Variants in PAQR8 observed in about 807,000 individuals in gnomAD.
PAQR8 encodes the protein progestin and adipoQ receptor family member 8.
In PAQR8, 17 loss-of-function variants were observed where a neutral mutation model predicts 25.2. That is an observed-to-expected ratio of 0.67 (90% CI 0.46 to 1.01). The LOEUF (loss-of-function observed/expected upper bound fraction) is 1.01, where lower values mean the gene tolerates loss of function less well. PAQR8 is among the 50% of genes least tolerant of loss of function. PAQR8 has a pLI of 0.00. For missense variants in PAQR8, 392 were observed against 448.4 expected, an observed-to-expected ratio of 0.87 and a Z score of 1.14; for synonymous variants, 204 against 190.6, an observed-to-expected ratio of 1.07 and a Z score of -0.58.
chr6:52,389,256 C>T (rs1763668484), intron 1 of PAQR8, among the ~76,000 whole-genome samples: 1 of 152,236 alleles, frequency 6.6e-6, no homozygotes, highest in Non-Finnish European at 1.5e-5. Context: ...TTAGATCTCA[C>T]TGGTTTTTAC....
chr6:52,363,531 C>T (rs942631735), intron 1 of PAQR8, among the ~76,000 whole-genome samples: 1 of 152,162 alleles, frequency 6.6e-6, no homozygotes, highest in African/African-American at 2.4e-5. Flanking sequence ...TTCCAGTACT[C>T]TGAGAAGCTG....
chr6:52,383,671 A>C lies in PAQR8; in HGVS notation c.-52-19491A>C, dbSNP rs1006696078. Among the ~76,000 whole-genome samples, 25 of 151,786 alleles carry C rather than the reference A, an allele frequency of 1.6e-4. 1 individual carries two copies. Among genetic ancestry groups the C allele is most frequent in the African/African-American group, 6.1e-4 (25 of 41,282 alleles). On this transcript the variant is annotated intron_variant, in intron 1 of 1. Coordinates refer to ENST00000442253, the MANE Select transcript of PAQR8 (RefSeq NM_133367.5). Reference sequence around the variant, plus strand: ...GCGAGAGTCCGTCTCAAAAAAAAAAAAAAAAACCAGGAATTCCATGACAGT... The same window carrying C: ...GCGAGAGTCCGTCTCAAAAAAAAAACAAAAAACCAGGAATTCCATGACAGT...
Position 52,403,370 on chromosome 6 carries a change from A to G in PAQR8, c.157A>G (p.Thr53Ala), listed in dbSNP as rs749652878. ...GCTCTTCCGGGAGCCTTACATCCGCACCGGCTACCGCCCCACGGGGCACGA... is the reference window on the plus strand; with the variant it reads ...GCTCTTCCGGGAGCCTTACATCCGCGCCGGCTACCGCCCCACGGGGCACGA... ...PQLFREPYIR[T>A]GYRPTGHEWR... Residue 53 changes from threonine to alanine, a missense_variant, in exon 2 of 2, where the codon ACC becomes GCC. Physicochemically the swap from Thr to Ala is moderately conservative, Grantham distance 58. Transcript: ENST00000442253. 19 of 1,614,216 alleles carry G rather than the reference A, an allele frequency of 1.2e-5. 1 individual carries two copies. The South Asian group carries it at 1.6e-4, about 14-fold the overall frequency.
chr6:52,396,114 T>G (rs1464852624), intron 1 of PAQR8, among the ~76,000 whole-genome samples: 1 of 152,222 alleles, frequency 6.6e-6, no homozygotes, highest in East Asian at 1.9e-4. Context: ...TCCCTGCCTT[T>G]AAAGGAGCTG....
intron 1 of PAQR8, among the ~76,000 whole-genome samples, chr6:52,368,303 TC>T (rs1763377612): frequency 6.6e-6 from 1 of 152,172 alleles, no homozygotes; most frequent in South Asian, 2.1e-4. Context: ...GTACTGTGGT[TC>T]TCAGTCCTGG....
At chr6:52,385,647 G>T (rs570613636) in intron 1 of PAQR8, among the ~76,000 whole-genome samples, 1 of 152,096 alleles carries the variant, frequency 6.6e-6, no homozygotes, top group Non-Finnish European at 1.5e-5. Flanking sequence ...ACTTTGGGGG[G>T]CAAGGTGGGT....
chr6:52,400,645 C>G (rs895306502), intron 1 of PAQR8, among the ~76,000 whole-genome samples: 1 of 152,232 alleles, frequency 6.6e-6, no homozygotes, highest in Non-Finnish European at 1.5e-5. Context: ...TATCTTTTCT[C>G]AGGAATTCTG....
Position 52,406,870 on chromosome 6 carries a change from A to G in PAQR8, c.*2592A>G, listed in dbSNP as rs866811159. 1.1e-5 allele frequency: 3 copies of G among 267,056 alleles called. No homozygotes were observed. The highest frequency in any genetic ancestry group is 1.1e-3 in the Middle Eastern group (1 of 902). The allele number at this position is 267,056 out of a possible 1,614,324, so 16.5% of individuals were successfully genotyped here. A position where few individuals can be genotyped will look rare whatever the true frequency, so the allele number is the denominator to read the frequency against. ...TAGCCATCACGCCTGCCCTAGAAAC[A>G]GTTTTTTAATAGGAGATATTTGAGA... On this transcript the variant is annotated 3_prime_UTR_variant, in exon 2 of 2. Transcript: ENST00000442253.
chr6:52,382,787 C>T (rs1013149891), intron 1 of PAQR8, among the ~76,000 whole-genome samples: 4 of 152,046 alleles, frequency 2.6e-5, no homozygotes, highest in Non-Finnish European at 5.9e-5. Flanking sequence ...TAGGAAGCTA[C>T]GTTTCAGTTG....
intron 1 of PAQR8, 145 bp from the exon 2 acceptor site, chr6:52,403,017 G>T (rs1763853665): frequency 3.4e-6 from 2 of 583,732 alleles, no homozygotes; most frequent in Non-Finnish European, 6.1e-6. Context: ...GTTGCAATGA[G>T]CTGTGATCGT....
chr6:52,379,625 T>TTTC (rs1562429226), intron 1 of PAQR8, among the ~76,000 whole-genome samples: 1 of 132,450 alleles, frequency 7.6e-6, no homozygotes, highest in Non-Finnish European at 1.6e-5. Context: ...CTTTCTTTTT[T>TTTC]TTTTTTTTTT....
Position 52,404,347 on chromosome 6 carries a change from C to A in PAQR8, c.*69C>A. 7.3e-7 allele frequency: 1 copy of A among 1,375,966 alleles called. No individual in the cohort carries two copies. Among genetic ancestry groups the A allele is most frequent in the Non-Finnish European group, 9.8e-7 (1 of 1,025,112 alleles). 85.2% of individuals were successfully genotyped at this position (1,375,966 alleles called of 1,614,324 possible). A position where few individuals can be genotyped will look rare whatever the true frequency, so the allele number is the denominator to read the frequency against. Reference sequence around the variant, plus strand: ...TGGAGAAAACTTGATACAATAGAAGCTGACTTTTAAGGCATTGGCTTTTAA... The same window carrying A: ...TGGAGAAAACTTGATACAATAGAAGATGACTTTTAAGGCATTGGCTTTTAA... On this transcript the variant is annotated 3_prime_UTR_variant, in exon 2 of 2. Transcript: ENST00000442253.
chr6:52,369,166 G>T (rs1763389269), intron 1 of PAQR8, among the ~76,000 whole-genome samples: 1 of 152,176 alleles, frequency 6.6e-6, no homozygotes, highest in Admixed American at 6.5e-5. Flanking sequence ...TACAATGGAG[G>T]TAATAGGTGA....
In PAQR8 at chr6:52,362,505, G is replaced by A. The variant is rs1763302211; in HGVS notation, c.-53+256G>A. The A allele has an allele frequency of 6.5e-6, 1 of 152,786 alleles. No homozygotes were observed. Among genetic ancestry groups the A allele is most frequent in the African/African-American group, 2.4e-5 (1 of 41,480 alleles). 9.5% of individuals were successfully genotyped at this position (152,786 alleles called of 1,614,324 possible). A position where few individuals can be genotyped will look rare whatever the true frequency, so the allele number is the denominator to read the frequency against. On this transcript the variant is annotated intron_variant, in intron 1 of 1. Coordinates refer to ENST00000442253, the MANE Select transcript of PAQR8 (RefSeq NM_133367.5). This position sits in a 1 kb window ranked among gnomAD's most constrained non-coding sequence, Gnocchi z 4.1. ...GGGGGACGACGGGTTAGGATGCTGG[G>A]GAGCCCTGGAGCTCTGAACGGCTGT...
rs1485383586 is a variant in PAQR8, at chr6:52,403,368, G to A, written c.155G>A (p.Arg52His). ...VPQLFREPYI[R>H]TGYRPTGHEW... Reference sequence around the variant, plus strand: ...CAGCTCTTCCGGGAGCCTTACATCCGCACCGGCTACCGCCCCACGGGGCAC... The same window carrying A: ...CAGCTCTTCCGGGAGCCTTACATCCACACCGGCTACCGCCCCACGGGGCAC... The change falls in exon 2 of 2, where the codon CGC (arginine) becomes CAC (histidine). Residue 52 changes from arginine to histidine, a missense_variant. Coordinates refer to ENST00000442253, the MANE Select transcript of PAQR8 (RefSeq NM_133367.5). 1.7e-5 allele frequency: 27 copies of A among 1,614,206 alleles called. No individual in the cohort carries two copies. The highest frequency in any genetic ancestry group is 3.3e-5 in the South Asian group (3 of 91,088).
At chr6:52,398,204 C>CTTTTTTTTTTT (rs869285681) in intron 1 of PAQR8, among the ~76,000 whole-genome samples, 3 of 85,814 alleles carry the variant, frequency 3.5e-5, no homozygotes, top group Non-Finnish European at 6.1e-5. Flanking sequence ...TTTCTTTTTT[C>CTTTTTTTTTTT]TTTTTTTTTT....
rs909812638 is a variant in PAQR8, at chr6:52,379,619, C to CTTTTT, written c.-53+17391_-53+17395dup. ...GGTGCGTACCGCCACACCCAGCTTT[C>CTTTTT]TTTTTTTTTTTTTTTTTTTTTTTTT... is the stretch of plus-strand genomic sequence containing the variant. On this transcript the variant is annotated intron_variant, in intron 1 of 1. Coordinates refer to ENST00000442253, the MANE Select transcript of PAQR8 (RefSeq NM_133367.5). Among the ~76,000 whole-genome samples the CTTTTT allele has an allele frequency of 8.9e-3, 688 of 77,004 alleles. 21 individuals are homozygous for CTTTTT. Among genetic ancestry groups the CTTTTT allele is most frequent in the African/African-American group, 0.011 (195 of 17,916 alleles). The allele number at this position is 77,004 out of a possible 152,430, so 50.5% of individuals were successfully genotyped here. A position where few individuals can be genotyped will look rare whatever the true frequency, so the allele number is the denominator to read the frequency against.
intron 1 of PAQR8, among the ~76,000 whole-genome samples, chr6:52,380,886 A>C (rs1763550950): frequency 6.6e-6 from 1 of 152,246 alleles, no homozygotes. Context: ...TTAAGCCAAT[A>C]CTTTGTACTC....
Position 52,396,270 on chromosome 6 carries a change from C to T in PAQR8, c.-52-6892C>T, listed in dbSNP as rs1029904791. On this transcript the variant is annotated intron_variant, in intron 1 of 1. Coordinates refer to ENST00000442253, the MANE Select transcript of PAQR8 (RefSeq NM_133367.5). ...GTTAAGAAAAGCTTCCTGGTGGAGC[C>T]GACTTCTAGTTAGAGTGTTGAAAAT... is the stretch of plus-strand genomic sequence containing the variant. 3.2e-4 allele frequency among the ~76,000 whole-genome samples: 48 copies of T among 152,114 alleles called. 1 individual carries two copies. Among genetic ancestry groups the T allele is most frequent in the Middle Eastern group, 3.4e-3 (1 of 294 alleles).
Sources: allele counts gnomAD v4.1 joint callset (sites outside exome capture counted in the v4.1 genomes callset), GRCh38; gene constraint gnomAD v4.1.1; non-coding constraint Gnocchi (gnomAD v3.1); transcripts MANE v1.5; gene names NCBI Gene and HGNC (gene_info 2026-07-23, HGNC 2026-07-21).